KCNT1: variants seen among roughly 807,000 people sequenced by gnomAD.
KCNT1 encodes potassium sodium-activated channel subfamily T member 1.
A neutral mutation model predicts 147.8 loss-of-function variants in KCNT1; 78 were observed. The ratio of observed to expected loss-of-function variants is 0.53; its 90% CI spans 0.44 to 0.64. KCNT1 has a LOEUF of 0.64. KCNT1 is among the 30% of genes least tolerant of loss of function. The pLI, the probability that KCNT1 is intolerant of heterozygous loss-of-function variation, is 0.00. For missense variants in KCNT1, 1,419 were observed against 1,750.3 expected (o/e 0.81, Z 3.38); for synonymous variants, 867 against 748.8 (o/e 1.16, Z -2.58).
intron 13 of KCNT1, among the ~76,000 whole-genome samples, chr9:135,767,062 C>T (rs533381989): frequency 2.0e-5 from 3 of 152,266 alleles, no homozygotes; most frequent in South Asian, 2.1e-4. Context: ...CCCTGGAAAA[C>T]CCTCCTGGTG....
At chr9:135,761,787 G>A (rs533277318) in intron 11 of KCNT1, among the ~76,000 whole-genome samples, 4 of 152,230 alleles carry the variant, frequency 2.6e-5, no homozygotes, top group African/African-American at 4.8e-5. Flanking sequence ...TGGCCCAGCC[G>A]AGGTCAGAGG....
chr9:135,789,832 C>T, intron 29 of KCNT1: 2 of 152,570 alleles, frequency 1.3e-5, no homozygotes, highest in Non-Finnish European at 2.9e-5. Context: ...CCAGCCCCTG[C>T]CCCACCCCAG....
chr9:135,775,351 G>A lies in KCNT1; in HGVS notation c.2285G>A (p.Ser762Asn). Residue 762 changes from serine (S) to asparagine (N), a missense_variant, in exon 20 of 31, where the codon AGC (serine) becomes AAC (asparagine). Transcript: ENST00000371757. ...GYPPNSPYIG[S>N]SPTLCHLLPV... ...CCTCCCAACTCGCCCTACATCGGCAGCTCCCCAACCCTGTGCCACCTCCTG... is the reference window on the plus strand; with the variant it reads ...CCTCCCAACTCGCCCTACATCGGCAACTCCCCAACCCTGTGCCACCTCCTG... 1.2e-6 allele frequency: 2 copies of A among 1,609,744 alleles called. No homozygotes were observed. The highest frequency in any genetic ancestry group is 1.7e-6 in the Non-Finnish European group (2 of 1,177,964).
intron 19 of KCNT1, 47 bp downstream of exon 19, chr9:135,772,996 C>A (rs763240901): frequency 7.5e-7 from 1 of 1,333,580 alleles, no homozygotes; most frequent in South Asian, 1.6e-5. Context: ...AGGAGCCGCC[C>A]ATGAGTGCGG....
chr9:135,739,880 G>C (rs1013195285), intron 2 of KCNT1, among the ~76,000 whole-genome samples: 1 of 152,182 alleles, frequency 6.6e-6, no homozygotes, highest in Non-Finnish European at 1.5e-5. Flanking sequence ...GTGTTCCCAG[G>C]CCCTCGGGGG....
intron 9 of KCNT1, among the ~76,000 whole-genome samples, chr9:135,758,072 C>T (rs1374889627): frequency 3.3e-5 from 5 of 152,120 alleles, no homozygotes; most frequent in South Asian, 2.1e-4. Context: ...TGGGCCTCAG[C>T]GGAGACGCAG....
At chr9:135,750,661 C>G (rs1328347795) in intron 3 of KCNT1, 9 of 548,802 alleles carry the variant, frequency 1.6e-5, no homozygotes, top group Non-Finnish European at 2.3e-5. Flanking sequence ...GCTCCCCAAT[C>G]CCTATCCTGT....
At chr9:135,785,934 C>T in intron 28 of KCNT1, 2 of 549,624 alleles carry the variant, frequency 3.6e-6, no homozygotes, top group Non-Finnish European at 6.4e-6. Context: ...CCTCAGCAGC[C>T]TGGCGAATCC....
At chr9:135,766,611 AGGGTGGACTGTCTG>A (rs901607373) in intron 13 of KCNT1, 5 of 152,556 alleles carry the variant, frequency 3.3e-5, no homozygotes, top group African/African-American at 1.2e-4. Context: ...TGGATCATCC[AGGGTGGACTGTCTG>A]GGGTGGACCC....
At chr9:135,768,084 C>T (rs907892230) in intron 13 of KCNT1, among the ~76,000 whole-genome samples, 3 of 150,816 alleles carry the variant, frequency 2.0e-5, no homozygotes, top group East Asian at 2.0e-4. Context: ...CCTGCCCCCA[C>T]CCTCTGTCAG....
chr9:135,719,329 T>G (rs1029579291), intron 2 of KCNT1, among the ~76,000 whole-genome samples: 35 of 152,264 alleles, frequency 2.3e-4, no homozygotes, highest in African/African-American at 7.2e-4. Context: ...GTCCTGACGG[T>G]GTCCCCGAGC....
intron 1 of KCNT1, among the ~76,000 whole-genome samples, chr9:135,713,853 T>A (rs1436734197): frequency 6.6e-6 from 1 of 151,774 alleles, no homozygotes; most frequent in African/African-American, 2.4e-5. Context: ...CCACCAGGGG[T>A]CCTCCCACTC....
At chr9:135,742,766 C>T in intron 2 of KCNT1, 1 of 717,398 alleles carries the variant, frequency 1.4e-6, no homozygotes, top group South Asian at 1.5e-5. Context: ...CCCTCTGTGT[C>T]CCCAGGCTTC....
rs538266846 is a variant in KCNT1, at chr9:135,735,785, C to T, written c.255-14313C>T. On this transcript the variant is annotated intron_variant, in intron 2 of 30. Transcript: ENST00000371757. ...GACAAGTCCGGAGGGCTCTGCCACCCGGCACTGCTGAGGACAGGGGCGCAT... is the reference window on the plus strand; with the variant it reads ...GACAAGTCCGGAGGGCTCTGCCACCTGGCACTGCTGAGGACAGGGGCGCAT... Among the ~76,000 whole-genome samples, 280 of 152,296 alleles carry T rather than the reference C, an allele frequency of 1.8e-3. 1 individual carries two copies. The highest frequency in any genetic ancestry group is 3.0e-3 in the Non-Finnish European group (205 of 68,018).
intron 2 of KCNT1, among the ~76,000 whole-genome samples, chr9:135,718,969 A>T (rs550905757): frequency 6.6e-6 from 1 of 152,272 alleles, no homozygotes; most frequent in South Asian, 2.1e-4. Flanking sequence ...CAGAGTTGGG[A>T]GCTCACTCAC....
In KCNT1 at chr9:135,770,895, A is replaced by G. The variant is rs957136245; in HGVS notation, c.1808A>G (p.Asn603Ser). Residue 603 changes from asparagine to serine, a missense_variant, in exon 18 of 31, where the codon AAC becomes AGC. Asn to Ser is a conservative substitution (Grantham distance 46). Transcript: ENST00000371757. Reference protein sequence around the residue: ...VCLIGLKREDNKSILLNPGPR... With the variant: ...VCLIGLKREDSKSILLNPGPR... Reference sequence around the variant, plus strand: ...CTCATCGGGCTGAAGCGGGAGGACAACAAGAGCATCCTGCTGAACCCGGGG... The same window carrying G: ...CTCATCGGGCTGAAGCGGGAGGACAGCAAGAGCATCCTGCTGAACCCGGGG... 3.1e-6 allele frequency: 5 copies of G among 1,599,774 alleles called. No homozygotes were observed. The highest frequency in any genetic ancestry group is 4.3e-6 in the Non-Finnish European group (5 of 1,172,786).
intron 3 of KCNT1, chr9:135,750,511 G>A: frequency 2.2e-6 from 1 of 461,696 alleles, no homozygotes; most frequent in East Asian, 4.1e-5. Flanking sequence ...GCCACGCCCT[G>A]CCTCCCACCC....
intron 28 of KCNT1, chr9:135,785,591 G>A (rs1445002854): frequency 2.0e-5 from 12 of 607,320 alleles, no homozygotes; most frequent in South Asian, 3.8e-5. Flanking sequence ...GTGCACCCCC[G>A]CCCCCTCCCA....
rs72770357 is a variant in KCNT1 at position 135,740,695 on chromosome 9, G to A, written c.255-9403G>A. Among the ~76,000 whole-genome samples, 266 of 152,374 alleles carry A rather than the reference G, an allele frequency of 1.7e-3. 2 individuals are homozygous for A. Among genetic ancestry groups the A allele is most frequent in the Admixed American group, 3.1e-3 (48 of 15,306 alleles). Reference sequence around the variant, plus strand: ...ACGGCTTCGGGTGCAGGTTCTGTTCGTGTGTTGACAGCGAGCCTGGCCATG... The same window carrying A: ...ACGGCTTCGGGTGCAGGTTCTGTTCATGTGTTGACAGCGAGCCTGGCCATG... On this transcript the variant is annotated intron_variant, in intron 2 of 30. Coordinates refer to ENST00000371757, the MANE Select transcript of KCNT1 (RefSeq NM_020822.3).
Sources: allele counts gnomAD v4.1 joint callset (sites outside exome capture counted in the v4.1 genomes callset), GRCh38; gene constraint gnomAD v4.1.1; transcripts MANE v1.5; gene names NCBI Gene and HGNC (gene_info 2026-07-23, HGNC 2026-07-21).